Variants in ARHGAP20 observed in about 807,000 individuals in gnomAD.
The protein encoded by ARHGAP20 is Rho GTPase activating protein 20.
In ARHGAP20, 34 loss-of-function variants were observed where a neutral mutation model predicts 73.7. The observed-to-expected ratio is 0.46, with a 90% CI of 0.35 to 0.61. The LOEUF (loss-of-function observed/expected upper bound fraction) is 0.61. Among genes scored for constraint, ARHGAP20 ranks in the 20% least tolerant of loss-of-function variants. The pLI, the probability that ARHGAP20 is intolerant of heterozygous loss-of-function variation, is 0.00. For missense variants in ARHGAP20, 1,314 were observed against 1,420.9 expected (o/e 0.92, Z 1.21); for synonymous variants, 523 against 518.2 (o/e 1.01, Z -0.13).
intron 9 of ARHGAP20, among the ~76,000 whole-genome samples, chr11:110,598,486 T>C (rs1948028857): frequency 6.6e-6 from 1 of 152,208 alleles, no homozygotes; most frequent in Non-Finnish European, 1.5e-5. Context: ...TCTACTCTGT[T>C]CTATACACTA....
In ARHGAP20 at chr11:110,580,961, A is replaced by G; in HGVS notation, c.1985T>C (p.Ile662Thr). The change falls in exon 15 of 15, where the codon ATT becomes ACT. Residue 662 changes from isoleucine to threonine, a missense_variant. By Grantham distance (89) the Ile-to-Thr change is moderately conservative. This residue lies in a region of ARHGAP20 where 641 missense variants were observed against 636.9 expected (regional missense o/e 1.01). Coordinates refer to ENST00000683387, the MANE Select transcript of ARHGAP20 (RefSeq NM_001384657.1). The stretch of plus-strand genomic sequence containing the variant: ...CAGTGGGATCTTTGTGTACACTAAA[A>G]TGTTCACCGGCTTGGATTCAAGAGG... Reference protein sequence around the residue: ...KRPLESKPVNILVYTKIPLRD... With the variant: ...KRPLESKPVNTLVYTKIPLRD... 6.2e-7 allele frequency: 1 copy of G among 1,614,162 alleles called. No individual in the cohort carries two copies. Among genetic ancestry groups the G allele is most frequent in the Non-Finnish European group, 8.5e-7 (1 of 1,180,022 alleles).
At position 110,691,903 on chromosome 11, in the gene ARHGAP20, A is replaced by G. The variant is rs1950249469; in HGVS notation, c.106-1274T>C. ...GACAGGAAACACATGGGTTAAAAAT[A>G]GATAACATCAAACATCTCAATTGGG... On this transcript the variant is annotated intron_variant, in intron 1 of 14. Coordinates refer to ENST00000683387, the MANE Select transcript of ARHGAP20 (RefSeq NM_001384657.1). 2.0e-5 allele frequency among the ~76,000 whole-genome samples: 3 copies of G among 152,220 alleles called. No homozygotes were observed. The South Asian group carries it at 6.2e-4, about 31-fold the overall frequency.
At chr11:110,670,469 T>C (rs1159146726) in intron 2 of ARHGAP20, among the ~76,000 whole-genome samples, 1 of 152,010 alleles carries the variant, frequency 6.6e-6, no homozygotes, top group African/African-American at 2.4e-5. Context: ...ACAACTAGGA[T>C]GAAACAGACA....
At position 110,624,072 on chromosome 11, in the gene ARHGAP20, A is replaced by G. The variant is rs1481902841; in HGVS notation, c.503+90T>C. Reference sequence around the variant, plus strand: ...ATATTTCCCTCTTAAAAATTAGAGGAACAACATTTGATTAATTTTTAAAAT... The same window carrying G: ...ATATTTCCCTCTTAAAAATTAGAGGGACAACATTTGATTAATTTTTAAAAT... On this transcript the variant is annotated intron_variant, in intron 4 of 14. Coordinates refer to ENST00000683387, the MANE Select transcript of ARHGAP20 (RefSeq NM_001384657.1). 13 of 1,449,464 alleles carry G rather than the reference A, an allele frequency of 9.0e-6. No individual in the cohort carries two copies. In the East Asian group the frequency reaches 2.0e-4, roughly 22 times the overall value. 89.8% of individuals were successfully genotyped at this position (1,449,464 alleles called of 1,614,324 possible). A position where few individuals can be genotyped will look rare whatever the true frequency, so the allele number is the denominator to read the frequency against.
At position 110,609,038 on chromosome 11, in the gene ARHGAP20, C is replaced by G. The variant is rs769007424; in HGVS notation, c.721G>C (p.Asp241His). The change falls in exon 8 of 15, where the codon GAT becomes CAT. Residue 241 changes from aspartate (D) to histidine (H), a missense_variant. Coordinates refer to ENST00000683387, the MANE Select transcript of ARHGAP20 (RefSeq NM_001384657.1). ...PMLGITGSER[D>H]YQLWVNSGKE... The stretch of plus-strand genomic sequence containing the variant: ...CCAGAATTGACCCACAACTGGTAAT[C>G]TCTCTCAGAGCCCTTAGAGATAAAA... 3.7e-6 allele frequency: 6 copies of G among 1,613,320 alleles called. No individual in the cohort carries two copies. Among genetic ancestry groups the G allele is most frequent in the Non-Finnish European group, 5.1e-6 (6 of 1,179,502 alleles).
At chr11:110,656,443 G>A (rs756389688) in intron 2 of ARHGAP20, among the ~76,000 whole-genome samples, 1 of 152,074 alleles carries the variant, frequency 6.6e-6, no homozygotes, top group African/African-American at 2.4e-5. Context: ...GTGCAGAATC[G>A]AGAGACCAAG....
At chr11:110,584,574 C>T (rs189506034) in intron 12 of ARHGAP20, among the ~76,000 whole-genome samples, 2 of 152,038 alleles carry the variant, frequency 1.3e-5, no homozygotes, top group Admixed American at 1.3e-4. Flanking sequence ...TGAAATAGAA[C>T]AAAAGATTAC....
chr11:110,611,672 G>C (rs1022962521), intron 6 of ARHGAP20, among the ~76,000 whole-genome samples: 16 of 152,086 alleles, frequency 1.1e-4, no homozygotes, highest in African/African-American at 3.9e-4. Flanking sequence ...AGAGTACATG[G>C]ACCCAGCTTC....
chr11:110,598,706 G>A (rs1427557889), intron 9 of ARHGAP20, among the ~76,000 whole-genome samples: 2 of 152,150 alleles, frequency 1.3e-5, no homozygotes, highest in Non-Finnish European at 1.5e-5. Context: ...CATCACACTG[G>A]CTGTAGTGGG....
chr11:110,634,334 C>G (rs1318814765), intron 2 of ARHGAP20, among the ~76,000 whole-genome samples: 1 of 152,054 alleles, frequency 6.6e-6, no homozygotes, highest in Middle Eastern at 3.2e-3. Flanking sequence ...AAAGTGGGTA[C>G]AGCTGGTGAG....
intron 1 of ARHGAP20, chr11:110,690,862 A>G (rs1591181575): frequency 2.0e-6 from 2 of 998,830 alleles, no homozygotes; most frequent in Non-Finnish European, 1.4e-6. Flanking sequence ...TTGTGGTCAG[A>G]GAATAAAGAG....
At chr11:110,694,160 A>T (rs1950293518) in intron 1 of ARHGAP20, among the ~76,000 whole-genome samples, 1 of 151,892 alleles carries the variant, frequency 6.6e-6, no homozygotes. Flanking sequence ...GCTAAGAAAC[A>T]AACAAATATG....
chr11:110,689,994 T>C lies in ARHGAP20; in HGVS notation c.188+553A>G, dbSNP rs144048807. Among the ~76,000 whole-genome samples, 477 of 152,174 alleles carry C rather than the reference T, an allele frequency of 3.1e-3. 4 individuals carry two copies. Among genetic ancestry groups the C allele is most frequent in the African/African-American group, 0.01 (427 of 41,534 alleles). ...AAAAAAATGTCTATTTCAATGTCCA[T>C]TGAAATAGCAATTAGCCTCCATTGG... On this transcript the variant is annotated intron_variant, in intron 2 of 14. Coordinates refer to ENST00000683387, the MANE Select transcript of ARHGAP20 (RefSeq NM_001384657.1).
intron 2 of ARHGAP20, among the ~76,000 whole-genome samples, chr11:110,669,688 C>A (rs369016917): frequency 2.0e-5 from 3 of 152,056 alleles, no homozygotes; most frequent in African/African-American, 7.2e-5. Context: ...TGTGGAGCAA[C>A]TGTAACATTC....
rs912680486 is a variant in ARHGAP20, at chr11:110,625,133, G to C, written c.354-822C>G. ...GCTCACTGCAAGCTCCGCTTCCCGG[G>C]TTCACGCCATTCTCCTGCCTCAGCC... On this transcript the variant is annotated intron_variant, in intron 3 of 14. Coordinates refer to ENST00000683387, the MANE Select transcript of ARHGAP20 (RefSeq NM_001384657.1). Among the ~76,000 whole-genome samples, 8 of 150,026 alleles carry C rather than the reference G, an allele frequency of 5.3e-5. No individual in the cohort carries two copies. In the South Asian group the frequency reaches 1.3e-3, roughly 24 times the overall value.
At position 110,660,889 on chromosome 11, in the gene ARHGAP20, A is replaced by G. The variant is rs531492382; in HGVS notation, c.188+29658T>C. The stretch of plus-strand genomic sequence containing the variant: ...CTTGGGCCCTGTCTCTAGTTCCAAC[A>G]CTACTTGCTCTGTAACCTTAGGCAT... On this transcript the variant is annotated intron_variant, in intron 2 of 14. Coordinates refer to ENST00000683387, the MANE Select transcript of ARHGAP20 (RefSeq NM_001384657.1). 5.3e-5 allele frequency among the ~76,000 whole-genome samples: 8 copies of G among 152,278 alleles called. No homozygotes were observed. The South Asian group carries it at 1.7e-3, about 32-fold the overall frequency.
chr11:110,601,861 G>T (rs1332819224), intron 9 of ARHGAP20, among the ~76,000 whole-genome samples: 1 of 151,788 alleles, frequency 6.6e-6, no homozygotes, highest in Admixed American at 6.6e-5. Flanking sequence ...TTGGTGGCAG[G>T]CGCCTGTAAT....
chr11:110,659,747 CT>C (rs1400473936), intron 2 of ARHGAP20, among the ~76,000 whole-genome samples: 2 of 151,984 alleles, frequency 1.3e-5, no homozygotes, highest in African/African-American at 4.8e-5. Context: ...AGTTCATGTC[CT>C]TTGTAGGGAC....
At chr11:110,642,173 A>C (rs755738919) in intron 2 of ARHGAP20, among the ~76,000 whole-genome samples, 12 of 152,144 alleles carry the variant, frequency 7.9e-5, no homozygotes, top group Non-Finnish European at 1.5e-4. Context: ...GAAATTGACC[A>C]GTTCTAAGAG....
Sources: allele counts gnomAD v4.1 joint callset (sites outside exome capture counted in the v4.1 genomes callset), GRCh38; gene constraint gnomAD v4.1.1; regional missense constraint gnomAD v4.1.1; transcripts MANE v1.5; gene names NCBI Gene and HGNC (gene_info 2026-07-23, HGNC 2026-07-21).